AKAP13: variants seen among roughly 807,000 people sequenced by gnomAD.
The protein encoded by AKAP13 is A-kinase anchor protein 13.
A neutral mutation model predicts 264.5 loss-of-function variants in AKAP13; 80 were observed. That is an observed-to-expected ratio of 0.30 (90% CI 0.25 to 0.36). The LOEUF is 0.36. Among genes scored for constraint, AKAP13 ranks in the 10% least tolerant of loss-of-function variants. AKAP13 has a pLI of 1.00. For missense variants in AKAP13, 3,712 were observed against 3,435.2 expected, an observed-to-expected ratio of 1.08 and a Z score of -2.01; for synonymous variants, 1,380 against 1,250.2, an observed-to-expected ratio of 1.10 and a Z score of -2.19.
intron 8 of AKAP13, among the ~76,000 whole-genome samples, chr15:85,593,067 C>T (rs568742281): frequency 3.6e-4 from 54 of 152,094 alleles, no homozygotes; most frequent in African/African-American, 1.2e-3. Context: ...CCCAGCACTT[C>T]GGGAGGCTGA....
At chr15:85,658,687 T>G in intron 12 of AKAP13, 97 bp downstream of exon 12, 1 of 1,041,280 alleles carries the variant, frequency 9.6e-7, no homozygotes, top group Non-Finnish European at 1.4e-6. Context: ...GATCATCTAC[T>G]TTTAAGTAAT....
chr15:85,492,488 T>A (rs1226593614), intron 2 of AKAP13, among the ~76,000 whole-genome samples: 2 of 152,268 alleles, frequency 1.3e-5, no homozygotes, highest in African/African-American at 4.8e-5. Context: ...TTATTCTCTG[T>A]ATTACATATT....
intron 35 of AKAP13, 26 bp from the exon 36 acceptor site, chr15:85,743,466 A>C (rs1238733052): frequency 6.3e-7 from 1 of 1,599,962 alleles, no homozygotes; most frequent in Non-Finnish European, 8.5e-7. Context: ...CCTCCAAGTG[A>C]AAACCCTTCT....
chr15:85,473,606 A>G (rs548043992), intron 1 of AKAP13, among the ~76,000 whole-genome samples: 2 of 152,300 alleles, frequency 1.3e-5, no homozygotes, highest in African/African-American at 4.8e-5. Context: ...TGATCTGAAA[A>G]ACCAAAGAAC....
At chr15:85,486,500 A>G (rs939539073) in intron 2 of AKAP13, among the ~76,000 whole-genome samples, 1 of 152,116 alleles carries the variant, frequency 6.6e-6, no homozygotes, top group African/African-American at 2.4e-5. Context: ...CCATTTGTTG[A>G]AAAGACTGTT....
intron 3 of AKAP13, among the ~76,000 whole-genome samples, chr15:85,530,329 T>C (rs956935750): frequency 1.3e-5 from 2 of 152,230 alleles, no homozygotes; most frequent in African/African-American, 4.8e-5. Context: ...TAGCATTGCT[T>C]CACCATGGCT....
intron 16 of AKAP13, among the ~76,000 whole-genome samples, chr15:85,689,678 G>A (rs930580781): frequency 6.6e-6 from 1 of 152,188 alleles, no homozygotes; most frequent in East Asian, 1.9e-4. Context: ...TTTAAAATAG[G>A]TAAGATGTGT....
At chr15:85,696,718 T>TA (rs2085584418) in intron 17 of AKAP13, among the ~76,000 whole-genome samples, 1 of 152,188 alleles carries the variant, frequency 6.6e-6, no homozygotes, top group African/African-American at 2.4e-5. Flanking sequence ...ATCTATTTTT[T>TA]AAAAAATTAA....
intron 5 of AKAP13, among the ~76,000 whole-genome samples, chr15:85,544,977 C>T (rs764394830): frequency 2.6e-5 from 4 of 152,216 alleles, no homozygotes; most frequent in Admixed American, 6.5e-5. Context: ...GTGCTACTTA[C>T]GGTTATGTAA....
At chr15:85,426,530 A>G (rs1196062228) in intron 1 of AKAP13, among the ~76,000 whole-genome samples, 1 of 152,058 alleles carries the variant, frequency 6.6e-6, no homozygotes, top group Non-Finnish European at 1.5e-5. Flanking sequence ...AATTGCGCAT[A>G]TTTAAAGTGT....
At chr15:85,714,698 G>A (rs1389936589) in intron 19 of AKAP13, among the ~76,000 whole-genome samples, 1 of 152,244 alleles carries the variant, frequency 6.6e-6, no homozygotes, top group African/African-American at 2.4e-5. Flanking sequence ...GCCAGGTGCA[G>A]TGGCTCACGC....
intron 2 of AKAP13, among the ~76,000 whole-genome samples, chr15:85,518,631 G>T (rs2076694955): frequency 6.6e-6 from 1 of 152,156 alleles, no homozygotes; most frequent in Non-Finnish European, 1.5e-5. Context: ...TCAGGAGTTT[G>T]AGACCATCCT....
Position 85,556,886 on chromosome 15 carries a change from G to A in AKAP13, c.662+12931G>A, listed in dbSNP as rs149871202. On this transcript the variant is annotated intron_variant, in intron 5 of 36. Coordinates refer to ENST00000394518, the MANE Select transcript of AKAP13 (RefSeq NM_007200.5). ...AAGACATTTTCTACCATAAGCACCT[G>A]TTTTATTTTCCTTAAGTGAAGATTT... Among the ~76,000 whole-genome samples, 520 of 152,292 alleles carry A rather than the reference G, an allele frequency of 3.4e-3. 2 individuals are homozygous for A. The highest frequency in any genetic ancestry group is 0.011 in the African/African-American group (476 of 41,562).
intron 8 of AKAP13, among the ~76,000 whole-genome samples, chr15:85,635,407 T>C (rs750773222): frequency 6.6e-6 from 1 of 152,182 alleles, no homozygotes; most frequent in South Asian, 2.1e-4. Flanking sequence ...TAAAAAATCA[T>C]GTTGCTTTGT....
At chr15:85,661,827 C>A (rs1343675185) in intron 12 of AKAP13, among the ~76,000 whole-genome samples, 1 of 151,384 alleles carries the variant, frequency 6.6e-6, no homozygotes, top group Non-Finnish European at 1.5e-5. Flanking sequence ...AAGATGGATG[C>A]CAGTGTTGAC....
chr15:85,723,609 T>G lies in AKAP13; in HGVS notation c.6745+289T>G, dbSNP rs560717378. ...GCAAAGCGTAAGATTGGTGCACATA[T>G]GCAAGCTGTCAAGGAAGGTGTATTC... On this transcript the variant is annotated intron_variant, in intron 26 of 36. Transcript: ENST00000394518. 1.1e-4 allele frequency among the ~76,000 whole-genome samples: 16 copies of G among 152,262 alleles called. 1 individual carries two copies. The South Asian group carries it at 3.3e-3, about 32-fold the overall frequency.
intron 1 of AKAP13, among the ~76,000 whole-genome samples, chr15:85,457,252 T>C (rs2074313267): frequency 6.6e-6 from 1 of 152,242 alleles, no homozygotes; most frequent in African/African-American, 2.4e-5. Context: ...GCTGCTTTTT[T>C]TTGGTGATTG....
At chr15:85,469,984 C>T (rs1215938723) in intron 1 of AKAP13, among the ~76,000 whole-genome samples, 1 of 152,154 alleles carries the variant, frequency 6.6e-6, no homozygotes, top group Non-Finnish European at 1.5e-5. Flanking sequence ...ACATATAGGG[C>T]AGTACTAAAG....
chr15:85,572,410 T>C (rs1327391000), intron 5 of AKAP13, among the ~76,000 whole-genome samples: 1 of 152,218 alleles, frequency 6.6e-6, no homozygotes, highest in Non-Finnish European at 1.5e-5. Flanking sequence ...TCTTGAGTCG[T>C]TTCTTTGAAC....
Sources: gnomAD v4.1 joint callset for allele counts (sites outside exome capture counted in the v4.1 genomes callset) on GRCh38, gnomAD v4.1.1 for gene constraint, MANE v1.5 for transcripts, NCBI Gene and HGNC (gene_info 2026-07-23, HGNC 2026-07-21) for gene names.